The following DOK4 variants were observed in gnomAD, a reference collection of about 807,000 sequenced individuals.
DOK4 encodes the protein downstream of tyrosine kinase 4.
In DOK4, 26 loss-of-function variants were observed where a neutral mutation model predicts 40.1. That is an observed-to-expected ratio of 0.65 (90% CI 0.48 to 0.90). The LOEUF is 0.90. Among genes scored for constraint, DOK4 ranks in the 40% least tolerant of loss-of-function variants. The pLI is 0.00. For synonymous variants in DOK4, 179 were observed against 177.0 expected, an observed-to-expected ratio of 1.01 and a Z score of -0.09; for missense variants, 392 against 437.2, an observed-to-expected ratio of 0.90 and a Z score of 0.92.
intron 1 of DOK4, among the ~76,000 whole-genome samples, chr16:57,484,787 G>A (rs2031502204): frequency 6.6e-6 from 1 of 152,174 alleles, no homozygotes; most frequent in African/African-American, 2.4e-5. Context: ...ACCCCCACTA[G>A]TCAGCCTCTC....
chr16:57,477,772 C>A (rs2031246727), intron 2 of DOK4, among the ~76,000 whole-genome samples: 2 of 152,232 alleles, frequency 1.3e-5, no homozygotes, highest in Admixed American at 6.5e-5. Flanking sequence ...AGCCCCTCCC[C>A]CCTCACCTCT....
At chr16:57,478,482 G>C (rs2031283419) in intron 2 of DOK4, 2 of 151,828 alleles carry the variant, frequency 1.3e-5, no homozygotes, top group Admixed American at 1.3e-4. Flanking sequence ...TCAAACACAA[G>C]ACTTGGGTGA....
At position 57,479,412 on chromosome 16, in the gene DOK4, A is replaced by G; in HGVS notation, c.66+30T>C. 1 of 1,610,702 alleles carries G rather than the reference A, an allele frequency of 6.2e-7. No homozygotes were observed. The highest frequency in any genetic ancestry group is 8.5e-7 in the Non-Finnish European group (1 of 1,178,518). On this transcript the variant is annotated intron_variant, in intron 2 of 8. Coordinates refer to ENST00000340099, the Ensembl canonical transcript of DOK4. This position sits in a 1 kb window ranked among gnomAD's most constrained non-coding sequence, Gnocchi z 5.8. Reference sequence around the variant, plus strand: ...AGTCCTCGGGCCCCCATCCCTTGGCAGGGCCCCTCCGCAGCTCAGGGTCAC... The same window carrying G: ...AGTCCTCGGGCCCCCATCCCTTGGCGGGGCCCCTCCGCAGCTCAGGGTCAC...
Position 57,475,501 on chromosome 16 carries a change from C to T in DOK4, c.289+5G>A. ...GGCAGATGGAGGCCCATACTCGCGC[C>T]TCACCTGAGTCGCAGGTGAAGGTAC... On this transcript the variant is annotated splice_donor_5th_base_variant and intron_variant, in intron 4 of 8. Coordinates refer to ENST00000340099, the Ensembl canonical transcript of DOK4. 6.3e-7 allele frequency: 1 copy of T among 1,599,960 alleles called. No individual in the cohort carries two copies. Among genetic ancestry groups the T allele is most frequent in the Non-Finnish European group, 8.5e-7 (1 of 1,173,260 alleles).
chr16:57,473,612 C>A lies in DOK4; in HGVS notation c.862+1G>T. ...GGGTGTGGGGCATGGAAGCGACTCA[C>A]CAGCATAGCTGGAGGCTTCGGCGAT... On this transcript the variant is annotated splice_donor_variant, in intron 8 of 8. Transcript: ENST00000340099. LOFTEE classifies it high-confidence loss of function. 6.2e-7 allele frequency: 1 copy of A among 1,614,276 alleles called. No homozygotes were observed. Among genetic ancestry groups the A allele is most frequent in the Non-Finnish European group, 8.5e-7 (1 of 1,180,050 alleles).
exon 9 of DOK4, chr16:57,473,344 C>T: frequency 6.3e-7 from 1 of 1,598,002 alleles, no homozygotes; most frequent in Non-Finnish European, 8.5e-7. Context: ...GCAGGCAGCC[C>T]CCAGCAGTCA....
upstream of DOK4, among the ~76,000 whole-genome samples, chr16:57,486,906 C>T (rs992384807): frequency 2.0e-5 from 3 of 152,320 alleles, no homozygotes; most frequent in Non-Finnish European, 4.4e-5. Context: ...GCCCAGCTCT[C>T]CCAGCCCCAC....
chr16:57,486,053 C>G (rs2031530076), intron 1 of DOK4, among the ~76,000 whole-genome samples: 1 of 152,030 alleles, frequency 6.6e-6, no homozygotes, highest in South Asian at 2.1e-4. Context: ...CGGGTGAGGT[C>G]AGCTCGCGAC....
At chr16:57,475,785 C>CCT (rs139126350) in intron 3 of DOK4, 65 bp downstream of exon 3, 176 of 1,324,758 alleles carry the variant, frequency 1.3e-4, no homozygotes, top group African/African-American at 2.6e-4. Context: ...CCCCTCTCTC[C>CCT]CTCTCTCTCT....
rs200993113 is a variant in DOK4 at position 57,473,872 on chromosome 16, G to A, written c.738+29C>T. 2,006 of 1,259,798 alleles carry A rather than the reference G, an allele frequency of 1.6e-3. 20 individuals are homozygous for A. The African/African-American group carries it at 0.027, about 17-fold the overall frequency. 78.0% of individuals were successfully genotyped at this position (1,259,798 alleles called of 1,614,324 possible). On this transcript the variant is annotated intron_variant, in intron 7 of 8. Transcript: ENST00000340099. ...TGCCCGCCCGTTCCCCCCTCCCCCC[G>A]TACCCTGGACTGATGCCCGCTGCCT...
chr16:57,473,054 A>C, exon 9 of DOK4: 1 of 300,100 alleles, frequency 3.3e-6, no homozygotes. Context: ...TGGTCATGGG[A>C]TTAAAAAATT....
At chr16:57,472,599 C>T (rs2030909752) in exon 9 of DOK4, 1 of 152,680 alleles carries the variant, frequency 6.5e-6, no homozygotes, top group East Asian at 1.9e-4. Context: ...GGCCTTCCCT[C>T]CTGGCCTATT....
chr16:57,473,608 C>T lies in DOK4; in HGVS notation c.862+5G>A. 6.2e-7 allele frequency: 1 copy of T among 1,614,262 alleles called. No individual in the cohort carries two copies. Among genetic ancestry groups the T allele is most frequent in the Middle Eastern group, 1.6e-4 (1 of 6,062 alleles). ...AGGTGGGTGTGGGGCATGGAAGCGA[C>T]TCACCAGCATAGCTGGAGGCTTCGG... On this transcript the variant is annotated splice_donor_5th_base_variant and intron_variant, in intron 8 of 8. Transcript: ENST00000340099.
At chr16:57,474,933 G>A (rs755687584) in exon 6 of DOK4, 48 of 1,613,642 alleles carry the variant, frequency 3.0e-5, no homozygotes, top group Admixed American at 1.0e-4. Flanking sequence ...GCTTGCACTC[G>A]CCATACACGT....
At chr16:57,475,368 C>A in intron 4 of DOK4, 138 bp downstream of exon 4, 1 of 1,414,936 alleles carries the variant, frequency 7.1e-7, no homozygotes, top group South Asian at 1.3e-5. Context: ...GGGCCTGCTC[C>A]CTGAAAGCAC....
At chr16:57,475,812 C>A in intron 3 of DOK4, 38 bp downstream of exon 3, 1 of 1,566,548 alleles carries the variant, frequency 6.4e-7, no homozygotes. Flanking sequence ...CCCCCACAGC[C>A]CTGCCACTTG....
upstream of DOK4, chr16:57,487,107 G>C (rs2031561765): frequency 6.7e-6 from 1 of 150,004 alleles, no homozygotes; most frequent in African/African-American, 2.5e-5. Context: ...TCTGCCCTTC[G>C]GGCCTGTGCA....
intron 1 of DOK4, among the ~76,000 whole-genome samples, chr16:57,484,871 T>C (rs1482079745): frequency 6.6e-6 from 1 of 152,230 alleles, no homozygotes; most frequent in Admixed American, 6.5e-5. Flanking sequence ...TGTCCATTTG[T>C]TTCTGGCCAC....
At chr16:57,482,313 C>T (rs1476673041) in intron 1 of DOK4, among the ~76,000 whole-genome samples, 1 of 151,878 alleles carries the variant, frequency 6.6e-6, no homozygotes, top group Non-Finnish European at 1.5e-5. Flanking sequence ...AGGTACATAC[C>T]ACCATGCCCA....
Sources: gnomAD v4.1 joint callset for allele counts (sites outside exome capture counted in the v4.1 genomes callset) on GRCh38, gnomAD v4.1.1 for gene constraint, Gnocchi (gnomAD v3.1) non-coding constraint, MANE v1.5 for transcripts, NCBI Gene and HGNC (gene_info 2026-07-23, HGNC 2026-07-21) for gene names.